The following TFPI variants were observed in gnomAD, a reference collection of about 807,000 sequenced individuals.
TFPI encodes the protein tissue factor pathway inhibitor.
A neutral mutation model predicts 34.6 loss-of-function variants in TFPI; 15 were observed. That is an observed-to-expected ratio of 0.43 (90% CI 0.29 to 0.67). The LOEUF (loss-of-function observed/expected upper bound fraction) is 0.67, where lower values mean the gene tolerates loss of function less well. Ranked by LOEUF, TFPI falls within the 30% of genes least tolerant of loss-of-function variation. The pLI, the probability that TFPI is intolerant of heterozygous loss-of-function variation, is 0.15. For missense variants in TFPI, 301 were observed against 364.0 expected (o/e 0.83, Z 1.41); for synonymous variants, 105 against 120.1 (o/e 0.87, Z 0.82).
intron 1 of TFPI, among the ~76,000 whole-genome samples, chr2:187,510,111 C>T (rs1686519038): frequency 6.6e-6 from 1 of 152,196 alleles, no homozygotes; most frequent in African/African-American, 2.4e-5. Flanking sequence ...AGACTAGACA[C>T]ATGTCAGAGA....
At chr2:187,546,098 G>A (rs1422373110) in intron 1 of TFPI, among the ~76,000 whole-genome samples, 1 of 151,888 alleles carries the variant, frequency 6.6e-6, no homozygotes, top group African/African-American at 2.4e-5. Flanking sequence ...CCACTACTAA[G>A]AATACAACGA....
intron 1 of TFPI, among the ~76,000 whole-genome samples, chr2:187,541,175 A>G (rs1324062055): frequency 6.6e-6 from 1 of 152,216 alleles, no homozygotes; most frequent in East Asian, 1.9e-4. Flanking sequence ...AAGTTTTCAC[A>G]GAGCAATTTG....
At chr2:187,546,185 T>A (rs1324929739) in intron 1 of TFPI, among the ~76,000 whole-genome samples, 1 of 152,052 alleles carries the variant, frequency 6.6e-6, no homozygotes, top group African/African-American at 2.4e-5. Context: ...GAATAGTATT[T>A]TAATATGCCT....
At chr2:187,540,660 C>T (rs922002410) in intron 1 of TFPI, among the ~76,000 whole-genome samples, 2 of 151,978 alleles carry the variant, frequency 1.3e-5, no homozygotes, top group African/African-American at 2.4e-5. Context: ...GAGGCCAAAG[C>T]GGGCAGATCA....
At chr2:187,539,015 A>G (rs931424965) in intron 1 of TFPI, among the ~76,000 whole-genome samples, 2 of 152,158 alleles carry the variant, frequency 1.3e-5, no homozygotes, top group Admixed American at 6.5e-5. Context: ...ATTCAGAGAT[A>G]TAATATCAAC....
At chr2:187,496,831 A>T (rs777796336) in intron 3 of TFPI, 50 bp downstream of exon 3, 2 of 1,489,398 alleles carry the variant, frequency 1.3e-6, no homozygotes, top group Admixed American at 4.0e-5. Context: ...CCATAATTAG[A>T]CTCAATAGCC....
chr2:187,484,545 T>C (rs1693117178), intron 5 of TFPI: 1 of 481,844 alleles, frequency 2.1e-6, no homozygotes, highest in Middle Eastern at 5.2e-4. Flanking sequence ...ATTTCAGCAA[T>C]TCTATTGTGC....
rs972517776 is a variant in TFPI, at chr2:187,466,890, C to A, written c.*46G>T. Reference sequence around the variant, plus strand: ...AATAGAAAATCATAGTGAAACATTTCATATAAAATATTTAGTAGAATTAAT... The same window carrying A: ...AATAGAAAATCATAGTGAAACATTTAATATAAAATATTTAGTAGAATTAAT... On this transcript the variant is annotated 3_prime_UTR_variant, in exon 8 of 8. Coordinates refer to ENST00000233156, the MANE Select transcript of TFPI (RefSeq NM_006287.6). 1.9e-5 allele frequency: 20 copies of A among 1,048,896 alleles called. No individual in the cohort carries two copies. The highest frequency in any genetic ancestry group is 2.6e-5 in the Non-Finnish European group (19 of 726,392). The allele number at this position is 1,048,896 out of a possible 1,614,324, so 65.0% of individuals were successfully genotyped here.
At chr2:187,478,904 T>C (rs1464724197) in intron 6 of TFPI, 9 of 891,192 alleles carry the variant, frequency 1.0e-5, no homozygotes, top group Non-Finnish European at 1.5e-5. Context: ...AACTGTATAG[T>C]ACATTATGTT....
At chr2:187,535,738 G>A (rs1688214112) in intron 1 of TFPI, among the ~76,000 whole-genome samples, 1 of 151,998 alleles carries the variant, frequency 6.6e-6, no homozygotes, top group Admixed American at 6.6e-5. Context: ...TAAGATCAGA[G>A]CAGAAAAGAG....
chr2:187,490,804 C>G (rs898898554), intron 3 of TFPI, among the ~76,000 whole-genome samples: 2 of 151,546 alleles, frequency 1.3e-5, no homozygotes, highest in Non-Finnish European at 3.0e-5. Flanking sequence ...CTGTTTCCCT[C>G]TGTTCATGTC....
intron 1 of TFPI, among the ~76,000 whole-genome samples, chr2:187,508,151 T>G (rs2106144035): frequency 6.6e-6 from 1 of 152,340 alleles, no homozygotes; most frequent in Non-Finnish European, 1.5e-5. Context: ...GAGGCCTCTG[T>G]TCTGTTCCAT....
At chr2:187,506,846 G>T (rs1274908829) in intron 1 of TFPI, among the ~76,000 whole-genome samples, 1 of 152,054 alleles carries the variant, frequency 6.6e-6, no homozygotes, top group Non-Finnish European at 1.5e-5. Context: ...CCTGACTGGG[G>T]TAATGATTGT....
chr2:187,479,249 T>C (rs1692641351), intron 6 of TFPI, among the ~76,000 whole-genome samples: 1 of 151,896 alleles, frequency 6.6e-6, no homozygotes, highest in Non-Finnish European at 1.5e-5. Flanking sequence ...GCAGACAAAT[T>C]TTAGGCAAGT....
chr2:187,497,134 G>A lies in TFPI; in HGVS notation c.122-56C>T. 7.6e-6 allele frequency: 11 copies of A among 1,448,236 alleles called. No homozygotes were observed. The South Asian group carries it at 1.3e-4, about 17-fold the overall frequency. The allele number at this position is 1,448,236 out of a possible 1,614,324, so 89.7% of individuals were successfully genotyped here. On this transcript the variant is annotated intron_variant, in intron 2 of 7. Transcript: ENST00000233156. ...TAATCTCCATCAACACTGTAATAAT[G>A]TTCTTTATTTCCTTTTTAATATGTC... is the stretch of plus-strand genomic sequence containing the variant.
intron 1 of TFPI, among the ~76,000 whole-genome samples, chr2:187,512,868 G>A (rs1686743002): frequency 6.6e-6 from 1 of 152,030 alleles, no homozygotes; most frequent in Admixed American, 6.5e-5. Context: ...AGAAATGTTT[G>A]TAATAAGTCA....
chr2:187,509,873 C>T (rs1245940781), intron 1 of TFPI, among the ~76,000 whole-genome samples: 1 of 152,182 alleles, frequency 6.6e-6, no homozygotes, highest in Non-Finnish European at 1.5e-5. Flanking sequence ...CGTCCTTGCT[C>T]TTTGTTCCCT....
intron 1 of TFPI, chr2:187,514,803 A>G (rs1253691060): frequency 6.6e-6 from 1 of 152,234 alleles, no homozygotes; most frequent in Non-Finnish European, 1.5e-5. Context: ...ACATCTATTT[A>G]GATGCAATTG....
chr2:187,480,960 G>A (rs1159290776), intron 6 of TFPI, among the ~76,000 whole-genome samples: 1 of 151,784 alleles, frequency 6.6e-6, no homozygotes, highest in Non-Finnish European at 1.5e-5. Context: ...CAACATTCCA[G>A]TAATTAAAAA....
Sources: allele counts gnomAD v4.1 joint callset (sites outside exome capture counted in the v4.1 genomes callset), GRCh38; gene constraint gnomAD v4.1.1; transcripts MANE v1.5; gene names NCBI Gene and HGNC (gene_info 2026-07-23, HGNC 2026-07-21).